Variants in ZMIZ1 observed in about 807,000 individuals in gnomAD.
ZMIZ1 encodes zinc finger MIZ-type containing 1.
ZMIZ1 carries 17 observed loss-of-function variants against 113.9 expected under a neutral mutation model. The observed-to-expected ratio is 0.15, with a 90% CI of 0.10 to 0.22. The LOEUF (loss-of-function observed/expected upper bound fraction) is 0.22, where lower values mean the gene tolerates loss of function less well. Ranked by LOEUF, ZMIZ1 falls within the 10% of genes least tolerant of loss-of-function variation. The pLI is 1.00. For missense variants in ZMIZ1, 1,059 were observed against 1,477.8 expected (o/e 0.72, Z 4.65); for synonymous variants, 607 against 603.1 (o/e 1.01, Z -0.09).
rs1018333640 is a variant in ZMIZ1 at position 79,069,962 on chromosome 10, G to A, written c.-337+692G>A. 6.6e-6 allele frequency among the ~76,000 whole-genome samples: 1 copy of A among 151,782 alleles called. No individual in the cohort carries two copies. The highest frequency in any genetic ancestry group is 2.0e-4 in the East Asian group (1 of 5,108). On this transcript the variant is annotated intron_variant, in intron 1 of 24. Transcript: ENST00000334512. The surrounding 1 kb of genome is among the most constrained non-coding windows in gnomAD (Gnocchi z 4.6). ...GGGGCGCTCAGGCCAGTGCCTGGAC[G>A]GGGCTGCCCCGGCCAGGAGGGGAGC...
At chr10:79,076,776 G>A (rs1458658883) in intron 1 of ZMIZ1, among the ~76,000 whole-genome samples, 1 of 152,174 alleles carries the variant, frequency 6.6e-6, no homozygotes, top group Admixed American at 6.5e-5. Flanking sequence ...GGTGGAGGTT[G>A]CAGTGAGCCA....
chr10:79,126,473 C>T (rs1316232424), intron 2 of ZMIZ1, among the ~76,000 whole-genome samples: 2 of 152,194 alleles, frequency 1.3e-5, no homozygotes, highest in African/African-American at 2.4e-5. Context: ...GCCAGCTGAG[C>T]CCCAAAGAAT....
chr10:79,297,581 C>G (rs755009589), intron 13 of ZMIZ1, 32 bp from the exon 14 acceptor site: 2 of 1,598,460 alleles, frequency 1.3e-6, no homozygotes, highest in Non-Finnish European at 1.7e-6. Context: ...TTTTCTGCCC[C>G]CCACTCAGTG....
intron 1 of ZMIZ1, among the ~76,000 whole-genome samples, chr10:79,080,603 C>T (rs956544519): frequency 5.3e-5 from 8 of 152,122 alleles, no homozygotes; most frequent in African/African-American, 9.7e-5. Context: ...GTCACTGCGC[C>T]GGGCCTCAGG....
intron 1 of ZMIZ1, among the ~76,000 whole-genome samples, chr10:79,103,111 G>C (rs1843425400): frequency 6.6e-6 from 1 of 152,146 alleles, no homozygotes; most frequent in Admixed American, 6.5e-5. Flanking sequence ...CAGTCTGGGA[G>C]GACCCCTTGA....
intron 7 of ZMIZ1, among the ~76,000 whole-genome samples, chr10:79,241,979 G>T (rs371451361): frequency 2.4e-4 from 36 of 152,286 alleles, no homozygotes; most frequent in African/African-American, 7.9e-4. Flanking sequence ...ACCTTCCTAA[G>T]TGTTTGGGGC....
At chr10:79,310,330 C>T (rs975440199) in intron 23 of ZMIZ1, among the ~76,000 whole-genome samples, 4 of 152,208 alleles carry the variant, frequency 2.6e-5, no homozygotes, top group Admixed American at 2.0e-4. Flanking sequence ...ATTCCACCCG[C>T]GCTGCAGGGC....
At position 79,293,467 on chromosome 10, in the gene ZMIZ1, C is replaced by G. The variant is rs775562721; in HGVS notation, c.1044C>G (p.Pro348=). The change falls in exon 12 of 25, where the codon CCC becomes CCG. Residue 348 remains proline, a synonymous_variant. Coordinates refer to ENST00000334512, the MANE Select transcript of ZMIZ1 (RefSeq NM_020338.4). ...GPASMGGSMN[P]ASMAAGMTPS... is the part of the protein sequence containing the mutation. ...CCTCCATGGGGGGCAGCATGAACCC[C>G]GCGAGCATGGCGGCTGGCATGACGC... 1.4e-5 allele frequency: 22 copies of G among 1,563,288 alleles called. No individual in the cohort carries two copies. Among genetic ancestry groups the G allele is most frequent in the Non-Finnish European group, 1.7e-5 (20 of 1,152,954 alleles).
chr10:79,273,700 G>A (rs919862100), intron 7 of ZMIZ1, among the ~76,000 whole-genome samples: 2 of 152,234 alleles, frequency 1.3e-5, no homozygotes, highest in Non-Finnish European at 2.9e-5. Flanking sequence ...TCCCCATGTT[G>A]ACACCCCAGA....
intron 1 of ZMIZ1, among the ~76,000 whole-genome samples, chr10:79,094,656 A>G (rs11002810): frequency 0.22 from 33,332 of 152,130 alleles, 4,157 homozygotes; most frequent in Non-Finnish European, 0.28. Context: ...TCAGAAAGCA[A>G]TGGGGCTAGG....
At chr10:79,126,971 A>G (rs914662106) in intron 2 of ZMIZ1, among the ~76,000 whole-genome samples, 2 of 152,180 alleles carry the variant, frequency 1.3e-5, no homozygotes. Flanking sequence ...CCAACCTGAG[A>G]GGATGAGGGA....
At chr10:79,192,161 A>G (rs1196060469) in intron 4 of ZMIZ1, among the ~76,000 whole-genome samples, 3 of 152,226 alleles carry the variant, frequency 2.0e-5, no homozygotes, top group Non-Finnish European at 4.4e-5. Flanking sequence ...CCTCAAGGGC[A>G]TGGCCTCCTC....
chr10:79,275,765 G>A (rs1589542957), intron 7 of ZMIZ1, among the ~76,000 whole-genome samples: 1 of 152,246 alleles, frequency 6.6e-6, no homozygotes, highest in Admixed American at 6.5e-5. Context: ...AGGAGCAGGA[G>A]CACTGTCTCT....
At chr10:79,142,187 T>C (rs1845300497) in intron 3 of ZMIZ1, among the ~76,000 whole-genome samples, 1 of 151,892 alleles carries the variant, frequency 6.6e-6, no homozygotes, top group Admixed American at 6.6e-5. Context: ...TTCAGACACA[T>C]TGAGTTTGAG....
chr10:79,232,004 G>C (rs1219139336), intron 7 of ZMIZ1, among the ~76,000 whole-genome samples: 2 of 152,242 alleles, frequency 1.3e-5, no homozygotes, highest in Non-Finnish European at 2.9e-5. Context: ...ACCCATGAAT[G>C]ATGGGAGGAG....
chr10:79,088,281 T>C (rs1042148682), intron 1 of ZMIZ1, among the ~76,000 whole-genome samples: 4 of 152,330 alleles, frequency 2.6e-5, no homozygotes, highest in Admixed American at 6.5e-5. Flanking sequence ...CCTGGGAGAA[T>C]TGGCTCGGCA....
chr10:79,312,340 G>A (rs1473824020), intron 24 of ZMIZ1, among the ~76,000 whole-genome samples: 4 of 152,270 alleles, frequency 2.6e-5, no homozygotes, highest in African/African-American at 7.2e-5. Context: ...GGCCTTCCCA[G>A]GTTAGGGCTG....
intron 7 of ZMIZ1, among the ~76,000 whole-genome samples, chr10:79,247,378 G>T (rs1850271869): frequency 6.6e-6 from 1 of 152,190 alleles, no homozygotes; most frequent in African/African-American, 2.4e-5. Flanking sequence ...GATCTGATGG[G>T]CTGTGTGCCT....
intron 8 of ZMIZ1, among the ~76,000 whole-genome samples, chr10:79,278,215 G>T (rs1278195389): frequency 6.6e-6 from 1 of 152,130 alleles, no homozygotes; most frequent in Non-Finnish European, 1.5e-5. Flanking sequence ...TGCCCTCCCT[G>T]GGCCTGATTG....
Sources: allele counts gnomAD v4.1 joint callset (sites outside exome capture counted in the v4.1 genomes callset), GRCh38; gene constraint gnomAD v4.1.1; non-coding constraint Gnocchi (gnomAD v3.1); transcripts MANE v1.5; gene names NCBI Gene and HGNC (gene_info 2026-07-23, HGNC 2026-07-21).